CSMD1: variants seen among roughly 807,000 people sequenced by gnomAD.
CSMD1 encodes CUB and Sushi multiple domains 1, also known as CUB and sushi domain-containing protein 1.
Under a neutral mutation model 417.5 loss-of-function variants are expected in CSMD1, and 213 were observed. The observed-to-expected ratio is 0.51, with a 90% CI of 0.46 to 0.57. CSMD1 has a LOEUF of 0.57. CSMD1 is among the 20% of genes least tolerant of loss of function. The pLI is 0.00. For synonymous variants in CSMD1, 2,862 were observed against 1,736.8 expected, an observed-to-expected ratio of 1.65 and a Z score of -16.11; for missense variants, 6,923 against 4,529.7, an observed-to-expected ratio of 1.53 and a Z score of -15.17.
chr8:3,907,216 T>C (rs768194019), intron 5 of CSMD1, among the ~76,000 whole-genome samples: 2 of 152,186 alleles, frequency 1.3e-5, no homozygotes, highest in Non-Finnish European at 2.9e-5. Flanking sequence ...ATACAGCAAA[T>C]AAAAATTTCT....
intron 3 of CSMD1, among the ~76,000 whole-genome samples, chr8:4,106,279 C>G (rs1219559809): frequency 6.6e-6 from 1 of 152,166 alleles, no homozygotes; most frequent in Non-Finnish European, 1.5e-5. Flanking sequence ...GTATGTGTTT[C>G]TGTGGGTGGG....
At chr8:3,093,778 T>C (rs1197245193) in intron 47 of CSMD1, among the ~76,000 whole-genome samples, 3 of 152,002 alleles carry the variant, frequency 2.0e-5, no homozygotes, top group Non-Finnish European at 4.4e-5. Context: ...AAACCAAAAC[T>C]AGCATATTAA....
At chr8:3,595,785 C>A (rs1012458755) in intron 8 of CSMD1, among the ~76,000 whole-genome samples, 3 of 152,154 alleles carry the variant, frequency 2.0e-5, no homozygotes, top group Non-Finnish European at 4.4e-5. Flanking sequence ...CTTTGTCATG[C>A]GAAGTAGAAA....
chr8:4,868,333 G>A (rs897635047), intron 1 of CSMD1, among the ~76,000 whole-genome samples: 5 of 151,882 alleles, frequency 3.3e-5, no homozygotes, highest in African/African-American at 7.3e-5. Flanking sequence ...CCCTGGGTTC[G>A]AGCGATTCGC....
intron 3 of CSMD1, among the ~76,000 whole-genome samples, chr8:4,176,209 G>A (rs192991202): frequency 3.9e-5 from 6 of 152,074 alleles, no homozygotes; most frequent in African/African-American, 1.4e-4. Flanking sequence ...TGTTGGATGT[G>A]GCTCTGTAGG....
intron 10 of CSMD1, among the ~76,000 whole-genome samples, chr8:3,537,581 C>G (rs899235509): frequency 4.6e-5 from 7 of 152,132 alleles, no homozygotes; most frequent in African/African-American, 1.7e-4. Flanking sequence ...TTTTAGATAG[C>G]TCTATTATTC....
At chr8:3,509,266 G>T (rs1396049979) in intron 10 of CSMD1, among the ~76,000 whole-genome samples, 1 of 152,172 alleles carries the variant, frequency 6.6e-6, no homozygotes, top group Non-Finnish European at 1.5e-5. Context: ...GGAGATTAAA[G>T]CATGGACAAT....
intron 5 of CSMD1, among the ~76,000 whole-genome samples, chr8:3,758,531 T>C (rs1797802713): frequency 6.6e-6 from 1 of 152,192 alleles, no homozygotes; most frequent in Non-Finnish European, 1.5e-5. Context: ...ATCTTATAGC[T>C]CTCATCTGAC....
intron 4 of CSMD1, among the ~76,000 whole-genome samples, chr8:4,031,049 G>T (rs1250804438): frequency 6.6e-6 from 1 of 152,024 alleles, no homozygotes; most frequent in Admixed American, 6.6e-5. Flanking sequence ...TCAGCACTTT[G>T]GTCAAAGCTA....
chr8:3,844,716 A>C (rs963939913), intron 5 of CSMD1, among the ~76,000 whole-genome samples: 4 of 152,144 alleles, frequency 2.6e-5, no homozygotes, highest in African/African-American at 9.7e-5. Context: ...ATTTCTGATA[A>C]ACTGAAATAC....
At chr8:4,441,095 G>GTTTTTTTTTTTTTGTTTTTTTTTTTTTTT in intron 2 of CSMD1, among the ~76,000 whole-genome samples, 1 of 51,296 alleles carries the variant, frequency 1.9e-5, no homozygotes, top group Non-Finnish European at 3.6e-5. Flanking sequence ...TAATCAAAAG[G>GTTTTTTTTTTTTTGTTTTTTTTTTTTTTT]TTTTTTTTTT....
chr8:3,930,363 T>G (rs1268052310), intron 5 of CSMD1, among the ~76,000 whole-genome samples: 3 of 150,600 alleles, frequency 2.0e-5, no homozygotes, highest in Non-Finnish European at 3.0e-5. Context: ...TCAATGTATT[T>G]TATGTTCTTA....
chr8:3,881,606 C>A (rs1269201511), intron 5 of CSMD1, among the ~76,000 whole-genome samples: 1 of 107,824 alleles, frequency 9.3e-6, no homozygotes, highest in Non-Finnish European at 1.8e-5. Context: ...AAGACTCCAT[C>A]TCAAAAAAAA....
intron 3 of CSMD1, among the ~76,000 whole-genome samples, chr8:4,313,962 C>T (rs1309846978): frequency 1.3e-5 from 2 of 151,452 alleles, no homozygotes; most frequent in African/African-American, 2.4e-5. Context: ...TGCAGCGAGC[C>T]GAGACTGCGC....
chr8:4,382,036 C>T (rs1324397193), intron 3 of CSMD1, among the ~76,000 whole-genome samples: 4 of 152,188 alleles, frequency 2.6e-5, no homozygotes, highest in Admixed American at 2.6e-4. Context: ...GTCTGAATTT[C>T]TGTTATGCGA....
chr8:4,188,835 T>TAAA, intron 3 of CSMD1, among the ~76,000 whole-genome samples: 1 of 146,654 alleles, frequency 6.8e-6, no homozygotes, highest in South Asian at 2.2e-4. Flanking sequence ...GGAGGGATAT[T>TAAA]AAAAAAAAAA....
At chr8:3,564,417 A>G (rs760585669) in intron 10 of CSMD1, among the ~76,000 whole-genome samples, 1 of 151,908 alleles carries the variant, frequency 6.6e-6, no homozygotes, top group African/African-American at 2.4e-5. Flanking sequence ...TTGCAAGTCT[A>G]TTGTCTACAG....
At chr8:4,274,283 C>G (rs914970190) in intron 3 of CSMD1, among the ~76,000 whole-genome samples, 1 of 152,104 alleles carries the variant, frequency 6.6e-6, no homozygotes, top group Non-Finnish European at 1.5e-5. Flanking sequence ...TACTATCAGG[C>G]TTATAACGTG....
chr8:2,951,106 G>A lies in CSMD1; in HGVS notation c.10201+8C>T, dbSNP rs1444512182. 5 of 1,610,424 alleles carry A rather than the reference G, an allele frequency of 3.1e-6. No homozygotes were observed. The highest frequency in any genetic ancestry group is 4.2e-6 in the Non-Finnish European group (5 of 1,178,286). On this transcript the variant is annotated splice_region_variant and intron_variant, in intron 66 of 69. Coordinates refer to ENST00000635120, the MANE Select transcript of CSMD1 (RefSeq NM_033225.6). ...CACCATGCGTTTAGTGAATTCTTCG[G>A]GACCTACCTGTCAACTTCAGCTCCA...
Sources: gnomAD v4.1 joint callset for allele counts (sites outside exome capture counted in the v4.1 genomes callset) on GRCh38, gnomAD v4.1.1 for gene constraint, MANE v1.5 for transcripts, NCBI Gene and HGNC (gene_info 2026-07-23, HGNC 2026-07-21) for gene names.